ST7: variants seen among roughly 807,000 people sequenced by gnomAD.
ST7 encodes the protein suppression of tumorigenicity 7.
In ST7, 28 loss-of-function variants were observed where a neutral mutation model predicts 78.7. That is an observed-to-expected ratio of 0.36 (90% CI 0.26 to 0.49). The LOEUF is 0.49. Among genes scored for constraint, ST7 ranks in the 20% least tolerant of loss-of-function variants. The pLI is 0.99. For synonymous variants in ST7, 247 were observed against 249.6 expected, an observed-to-expected ratio of 0.99 and a Z score of 0.10; for missense variants, 418 against 696.0, an observed-to-expected ratio of 0.60 and a Z score of 4.49.
chr7:117,048,086 A>G (rs750793615), intron 1 of ST7, among the ~76,000 whole-genome samples: 2 of 152,148 alleles, frequency 1.3e-5, no homozygotes, highest in Non-Finnish European at 2.9e-5. Flanking sequence ...GAGAAAATAT[A>G]TTTACTGTTC....
chr7:117,184,794 T>C, intron 10 of ST7, among the ~76,000 whole-genome samples: 1 of 152,236 alleles, frequency 6.6e-6, no homozygotes, highest in East Asian at 1.9e-4. Context: ...AGGTCTGTAG[T>C]GTACCTAATA....
chr7:117,105,998 G>GTT (rs79793311), intron 2 of ST7, among the ~76,000 whole-genome samples: 3 of 146,782 alleles, frequency 2.0e-5, no homozygotes, highest in Non-Finnish European at 3.0e-5. Flanking sequence ...TTTTGTTTTT[G>GTT]TTTTTTTTTT....
intron 10 of ST7, among the ~76,000 whole-genome samples, chr7:117,179,634 T>C (rs963770660): frequency 3.9e-5 from 6 of 151,926 alleles, no homozygotes; most frequent in Admixed American, 3.9e-4. Context: ...TCTGTATCCC[T>C]TAGAGCAGAG....
intron 13 of ST7, among the ~76,000 whole-genome samples, chr7:117,217,491 G>A (rs1225721797): frequency 1.3e-5 from 2 of 152,140 alleles, no homozygotes; most frequent in Non-Finnish European, 2.9e-5. Context: ...GTTTGTTTTT[G>A]TGGGGGGTGT....
chr7:116,988,655 T>TGA (rs1794289726), intron 1 of ST7, among the ~76,000 whole-genome samples: 1 of 152,214 alleles, frequency 6.6e-6, no homozygotes, highest in African/African-American at 2.4e-5. Flanking sequence ...TTGAAATAAT[T>TGA]GAAGGTAGTG....
At chr7:117,080,484 GT>G (rs201365553) in intron 1 of ST7, among the ~76,000 whole-genome samples, 6 of 151,466 alleles carry the variant, frequency 4.0e-5, no homozygotes, top group African/African-American at 1.2e-4. Flanking sequence ...TAGTTTTTAG[GT>G]TTTTTTGCTT....
chr7:117,188,617 T>A (rs1809480237), intron 10 of ST7, among the ~76,000 whole-genome samples: 3 of 152,172 alleles, frequency 2.0e-5, no homozygotes, highest in Non-Finnish European at 2.9e-5. Context: ...TTTTGTAAAA[T>A]TGAAAGGAAC....
chr7:117,156,977 A>G (rs1431718477), intron 9 of ST7, among the ~76,000 whole-genome samples: 1 of 152,200 alleles, frequency 6.6e-6, no homozygotes, highest in Non-Finnish European at 1.5e-5. Context: ...TATTTTGAGA[A>G]GGTAAAACAC....
intron 1 of ST7, among the ~76,000 whole-genome samples, chr7:117,024,646 G>T (rs112925394): frequency 7.1e-4 from 108 of 152,274 alleles, no homozygotes; most frequent in African/African-American, 2.6e-3. Flanking sequence ...ATCTGTGGAG[G>T]GGGAAAATAA....
intron 1 of ST7, among the ~76,000 whole-genome samples, chr7:116,973,575 A>G (rs188849203): frequency 1.3e-5 from 2 of 152,256 alleles, no homozygotes; most frequent in East Asian, 3.9e-4. Flanking sequence ...TTAAAAATAA[A>G]CTGTTACCTA....
At chr7:117,026,516 A>G (rs1294172677) in intron 1 of ST7, among the ~76,000 whole-genome samples, 1 of 152,232 alleles carries the variant, frequency 6.6e-6, no homozygotes, top group Non-Finnish European at 1.5e-5. Context: ...TTTTATTTGT[A>G]TTAGTAATTA....
chr7:117,103,701 G>A (rs1463520676), intron 2 of ST7, among the ~76,000 whole-genome samples: 2 of 152,148 alleles, frequency 1.3e-5, no homozygotes, highest in Non-Finnish European at 2.9e-5. Flanking sequence ...AAGACTTTTT[G>A]TGTGAGACCT....
intron 8 of ST7, 44 bp from the exon 9 acceptor site, chr7:117,138,391 T>A: frequency 4.9e-6 from 5 of 1,020,796 alleles, no homozygotes; most frequent in Non-Finnish European, 5.4e-6. Context: ...GCCTCTGTAT[T>A]TTTTTTTTTT....
At chr7:117,186,962 T>C (rs1809318931) in intron 10 of ST7, among the ~76,000 whole-genome samples, 1 of 152,230 alleles carries the variant, frequency 6.6e-6, no homozygotes, top group South Asian at 2.1e-4. Flanking sequence ...ATGTAAAAGC[T>C]TTCCATTTAT....
At chr7:117,097,483 C>T (rs935547256) in intron 1 of ST7, among the ~76,000 whole-genome samples, 9 of 151,712 alleles carry the variant, frequency 5.9e-5, no homozygotes, top group Admixed American at 1.3e-4. Context: ...CCACCATGCC[C>T]GGCTAATTTT....
intron 15 of ST7, among the ~76,000 whole-genome samples, chr7:117,224,956 G>A (rs1373518045): frequency 6.6e-6 from 1 of 152,184 alleles, no homozygotes; most frequent in African/African-American, 2.4e-5. Context: ...AGTTACTGAG[G>A]CCTGTCCCCA....
intron 12 of ST7, among the ~76,000 whole-genome samples, chr7:117,204,580 T>C (rs920923623): frequency 5.9e-5 from 9 of 152,224 alleles, no homozygotes; most frequent in African/African-American, 2.2e-4. Context: ...GTGTTTTTTT[T>C]GTCCTGTGCC....
intron 2 of ST7, among the ~76,000 whole-genome samples, chr7:117,114,092 A>G (rs1481243993): frequency 6.6e-6 from 1 of 152,146 alleles, no homozygotes; most frequent in Non-Finnish European, 1.5e-5. Flanking sequence ...GCAGAGTGCC[A>G]GTTTACATAG....
Position 116,953,631 on chromosome 7 carries a change from G to A in ST7, c.91G>A (p.Val31Met), listed in dbSNP as rs747033623. ...TCTGTGGACCGTGTGGTTCTTCATC[G>A]TGCTATTCCTGGTCTACATCCTGCG... Reference protein sequence around the residue: ...TYLWTVWFFIVLFLVYILRVP... With the variant: ...TYLWTVWFFIMLFLVYILRVP... Residue 31 changes from valine (V) to methionine (M), a missense_variant, in exon 1 of 16, where the codon GTG (valine) becomes ATG (methionine). Coordinates refer to ENST00000323984, the MANE Select transcript of ST7 (RefSeq NM_001369598.1). 26 of 1,509,742 alleles carry A rather than the reference G, an allele frequency of 1.7e-5. No homozygotes were observed. In the South Asian group the frequency reaches 3.0e-4, roughly 17 times the overall value. 93.5% of individuals were successfully genotyped at this position (1,509,742 alleles called of 1,614,324 possible).
Sources: allele counts gnomAD v4.1 joint callset (sites outside exome capture counted in the v4.1 genomes callset), GRCh38; gene constraint gnomAD v4.1.1; transcripts MANE v1.5; gene names NCBI Gene and HGNC (gene_info 2026-07-23, HGNC 2026-07-21).